CCDC91: variants seen among roughly 807,000 people sequenced by gnomAD.
CCDC91 encodes the protein coiled-coil domain-containing protein 91.
A neutral mutation model predicts 63.2 loss-of-function variants in CCDC91; 48 were observed. The observed-to-expected ratio is 0.76, with a 90% CI of 0.60 to 0.97. CCDC91 has a LOEUF of 0.97. Ranked by LOEUF, CCDC91 falls within the 50% of genes least tolerant of loss-of-function variation. The pLI is 0.00. For synonymous variants in CCDC91, 167 were observed against 165.8 expected (o/e 1.01, Z -0.06); for missense variants, 500 against 494.6 (o/e 1.01, Z -0.10).
chr12:28,298,908 A>G (rs1405371977), intron 3 of CCDC91, among the ~76,000 whole-genome samples: 3 of 151,404 alleles, frequency 2.0e-5, no homozygotes, highest in Non-Finnish European at 4.4e-5. Context: ...GTTGTTTCAT[A>G]TATCTGTAGT....
At chr12:28,493,435 A>G (rs1463016986) in intron 12 of CCDC91, among the ~76,000 whole-genome samples, 1 of 151,726 alleles carries the variant, frequency 6.6e-6, no homozygotes, top group Non-Finnish European at 1.5e-5. Context: ...TAAGACCCAG[A>G]TAAATTGGGA....
At chr12:28,277,726 A>G (rs185475141) in intron 3 of CCDC91, among the ~76,000 whole-genome samples, 42 of 152,086 alleles carry the variant, frequency 2.8e-4, no homozygotes, top group Non-Finnish European at 3.7e-4. Context: ...CATCTGGGCT[A>G]TTATAATACT....
chr12:28,452,704 C>T, intron 11 of CCDC91, 50 bp downstream of exon 11: 1 of 961,466 alleles, frequency 1.0e-6, no homozygotes, highest in Non-Finnish European at 1.5e-6. Flanking sequence ...TCATTTTTCT[C>T]AAAATGAAGT....
chr12:28,342,409 G>T (rs973896738), intron 6 of CCDC91, among the ~76,000 whole-genome samples: 1 of 152,178 alleles, frequency 6.6e-6, no homozygotes, highest in African/African-American at 2.4e-5. Context: ...CATTTGTTAT[G>T]TCAGTGGCCA....
intron 8 of CCDC91, among the ~76,000 whole-genome samples, chr12:28,417,985 T>A (rs574439601): frequency 1.3e-5 from 2 of 152,256 alleles, no homozygotes; most frequent in East Asian, 3.9e-4. Context: ...ATTCAGGTTG[T>A]TTTCAGTTCT....
intron 6 of CCDC91, among the ~76,000 whole-genome samples, chr12:28,317,323 T>C (rs1030608543): frequency 1.1e-4 from 17 of 152,026 alleles, no homozygotes; most frequent in African/African-American, 3.9e-4. Context: ...TTCTTTTCCC[T>C]GCTGATTGCT....
intron 1 of CCDC91, among the ~76,000 whole-genome samples, chr12:28,197,815 C>CT (rs1941898665): frequency 6.6e-6 from 1 of 151,978 alleles, no homozygotes; most frequent in Non-Finnish European, 1.5e-5. Flanking sequence ...TAAGTCTATT[C>CT]TTATTTTCTA....
intron 6 of CCDC91, among the ~76,000 whole-genome samples, chr12:28,310,207 A>G (rs1939176028): frequency 6.6e-6 from 1 of 152,050 alleles, no homozygotes; most frequent in South Asian, 2.1e-4. Flanking sequence ...CTTTGTCTCC[A>G]CTGAATGACT....
chr12:28,368,353 T>C (rs776219295), intron 7 of CCDC91, among the ~76,000 whole-genome samples: 15 of 152,228 alleles, frequency 9.9e-5, no homozygotes, highest in Admixed American at 2.0e-4. Flanking sequence ...CTTTAATTCT[T>C]TTAAAATTAC....
At chr12:28,353,510 C>G (rs1421383737) in intron 6 of CCDC91, among the ~76,000 whole-genome samples, 1 of 152,066 alleles carries the variant, frequency 6.6e-6, no homozygotes, top group Non-Finnish European at 1.5e-5. Context: ...AAAGTGAGAG[C>G]CATATGACTT....
At chr12:28,321,472 C>T (rs774833473) in intron 6 of CCDC91, among the ~76,000 whole-genome samples, 1 of 151,758 alleles carries the variant, frequency 6.6e-6, no homozygotes, top group Non-Finnish European at 1.5e-5. Flanking sequence ...AATGGTTTCC[C>T]CCTAAAATTC....
chr12:28,273,616 C>CT (rs899569754), intron 3 of CCDC91, among the ~76,000 whole-genome samples: 1 of 151,352 alleles, frequency 6.6e-6, no homozygotes, highest in African/African-American at 2.4e-5. Context: ...TTTCATGTGT[C>CT]TTTTGGCTGC....
chr12:28,469,852 C>T (rs749849634), intron 11 of CCDC91, among the ~76,000 whole-genome samples: 7 of 152,180 alleles, frequency 4.6e-5, no homozygotes, highest in Middle Eastern at 3.4e-3. Flanking sequence ...ACAGTCTCTT[C>T]AGTAAATTGT....
intron 6 of CCDC91, among the ~76,000 whole-genome samples, chr12:28,347,260 G>A (rs1416985460): frequency 6.6e-6 from 1 of 152,174 alleles, no homozygotes; most frequent in Non-Finnish European, 1.5e-5. Flanking sequence ...CAGGGATCTG[G>A]AACAATTGAG....
At chr12:28,501,842 C>T (rs1310699999) in intron 12 of CCDC91, among the ~76,000 whole-genome samples, 25 of 150,832 alleles carry the variant, frequency 1.7e-4, no homozygotes, top group African/African-American at 5.6e-4. Context: ...GTCCTGGACT[C>T]TTTTTGGTTG....
chr12:28,485,045 A>G (rs1951645642), intron 12 of CCDC91, among the ~76,000 whole-genome samples: 1 of 151,976 alleles, frequency 6.6e-6, no homozygotes, highest in Non-Finnish European at 1.5e-5. Context: ...GCTAAACTTA[A>G]TTGGTGGTCA....
chr12:28,267,021 CAG>C (rs1306262474), intron 3 of CCDC91, among the ~76,000 whole-genome samples: 1 of 151,626 alleles, frequency 6.6e-6, no homozygotes, highest in African/African-American at 2.4e-5. Context: ...TTTTTGGCCT[CAG>C]AAAAGATACT....
chr12:28,246,060 T>C (rs969908420), intron 1 of CCDC91, among the ~76,000 whole-genome samples: 2 of 152,090 alleles, frequency 1.3e-5, no homozygotes, highest in Admixed American at 1.3e-4. Flanking sequence ...ATATAATTAA[T>C]ATAGCAGCCA....
At chr12:28,200,827 C>G (rs1591954575) in intron 1 of CCDC91, among the ~76,000 whole-genome samples, 1 of 151,900 alleles carries the variant, frequency 6.6e-6, no homozygotes, top group South Asian at 2.1e-4. Flanking sequence ...GGCAGAGGGG[C>G]TCCTCACTTC....
Sources: allele counts gnomAD v4.1 joint callset (sites outside exome capture counted in the v4.1 genomes callset), GRCh38; gene constraint gnomAD v4.1.1; transcripts MANE v1.5; gene names NCBI Gene and HGNC (gene_info 2026-07-23, HGNC 2026-07-21).